The following SLIT2 variants were observed in gnomAD, a reference collection of about 807,000 sequenced individuals.
The protein encoded by SLIT2 is slit homolog 2 protein.
Under a neutral mutation model 185.7 loss-of-function variants are expected in SLIT2, and 41 were observed. The observed-to-expected ratio is 0.22, with a 90% CI of 0.17 to 0.29. The LOEUF (loss-of-function observed/expected upper bound fraction) is 0.29. Ranked by LOEUF, SLIT2 falls within the 10% of genes least tolerant of loss-of-function variation. The probability of loss-of-function intolerance (pLI) is 1.00; values close to 1 mark genes in which losing one functional copy is unlikely to be tolerated. For synonymous variants in SLIT2, 693 were observed against 680.2 expected, an observed-to-expected ratio of 1.02 and a Z score of -0.29; for missense variants, 1,571 against 1,909.0, an observed-to-expected ratio of 0.82 and a Z score of 3.30.
chr4:20,528,262 A>C lies in SLIT2; in HGVS notation c.1463-687A>C. On this transcript the variant is annotated intron_variant, in intron 15 of 36. Coordinates refer to ENST00000504154, the MANE Select transcript of SLIT2 (RefSeq NM_004787.4). This position sits in a 1 kb window ranked among gnomAD's most constrained non-coding sequence, Gnocchi z 4.2. The stretch of plus-strand genomic sequence containing the variant: ...TTCCTCTTGGTCTTACCTTTGGCCT[A>C]GTGGTTGGTGTAGTGATAATGTAGC... 1 of 534,508 alleles carries C rather than the reference A, an allele frequency of 1.9e-6. No homozygotes were observed. Among genetic ancestry groups the C allele is most frequent in the South Asian group, 1.4e-5 (1 of 71,544 alleles). The allele number at this position is 534,508 out of a possible 1,614,324, so 33.1% of individuals were successfully genotyped here.
In SLIT2 at chr4:20,268,706, C is replaced by G. The variant is rs1355952704; in HGVS notation, c.324-104C>G. ...GCTTGAATTCTCCTGAATGTCATTT[C>G]ATTCTTTTCTGAAATACAGGATGAG... is the stretch of plus-strand genomic sequence containing the variant. On this transcript the variant is annotated intron_variant, in intron 3 of 36. Coordinates refer to ENST00000504154, the MANE Select transcript of SLIT2 (RefSeq NM_004787.4). 3.2e-5 allele frequency: 26 copies of G among 803,292 alleles called. No individual in the cohort carries two copies. In the South Asian group the frequency reaches 3.4e-4, roughly 10 times the overall value. The allele number at this position is 803,292 out of a possible 1,614,324, so 49.8% of individuals were successfully genotyped here. A position where few individuals can be genotyped will look rare whatever the true frequency, so the allele number is the denominator to read the frequency against.
At chr4:20,613,764 G>T (rs891637920) in intron 34 of SLIT2, among the ~76,000 whole-genome samples, 2 of 152,208 alleles carry the variant, frequency 1.3e-5, no homozygotes, top group African/African-American at 4.8e-5. Flanking sequence ...GCCTGAAGGT[G>T]TTGCCTCAGC....
intron 14 of SLIT2, 62 bp from the exon 15 acceptor site, chr4:20,525,087 T>A: frequency 8.3e-7 from 1 of 1,207,968 alleles, no homozygotes; most frequent in Non-Finnish European, 1.2e-6. Context: ...CTAATATAAC[T>A]CATATCTCTG....
intron 4 of SLIT2, among the ~76,000 whole-genome samples, chr4:20,455,860 G>T (rs1379475257): frequency 2.0e-5 from 3 of 152,074 alleles, no homozygotes; most frequent in Admixed American, 6.6e-5. Flanking sequence ...CCATTTTCTT[G>T]TGAAGATTTG....
Position 20,480,688 on chromosome 4 carries a change from A to G in SLIT2, c.468-28A>G, listed in dbSNP as rs184047024. Reference sequence around the variant, plus strand: ...ACCCCAGCTACTGTCCATCCCTTCTACATATATTCTTCTAATCTTTTTAAC... The same window carrying G: ...ACCCCAGCTACTGTCCATCCCTTCTGCATATATTCTTCTAATCTTTTTAAC... On this transcript the variant is annotated intron_variant, in intron 5 of 36. Transcript: ENST00000504154. 6.4e-6 allele frequency: 10 copies of G among 1,566,910 alleles called. No individual in the cohort carries two copies. In the Admixed American group the frequency reaches 1.3e-4, roughly 21 times the overall value.
chr4:20,610,984 G>A (rs1159689778), intron 34 of SLIT2, among the ~76,000 whole-genome samples: 1 of 152,138 alleles, frequency 6.6e-6, no homozygotes, highest in East Asian at 1.9e-4. Flanking sequence ...CTATTTGGAG[G>A]AACAAATATA....
chr4:20,395,189 G>A lies in SLIT2; in HGVS notation c.396-72563G>A, dbSNP rs117829487. ...CTAAACGTTAAGCATTTGTGAGTGG[G>A]TGTTTTGCTATATGACAGAATTAGA... On this transcript the variant is annotated intron_variant, in intron 4 of 36. Coordinates refer to ENST00000504154, the MANE Select transcript of SLIT2 (RefSeq NM_004787.4). Among the ~76,000 whole-genome samples, 164 of 152,078 alleles carry A rather than the reference G, an allele frequency of 1.1e-3. 2 individuals are homozygous for A. In the East Asian group the frequency reaches 0.027, roughly 25 times the overall value.
intron 4 of SLIT2, among the ~76,000 whole-genome samples, chr4:20,318,673 A>G (rs1390839962): frequency 1.3e-5 from 2 of 152,094 alleles, no homozygotes; most frequent in African/African-American, 2.4e-5. Context: ...TACTTGGATA[A>G]TAGCTCACTT....
At chr4:20,417,057 T>C (rs1727742655) in intron 4 of SLIT2, among the ~76,000 whole-genome samples, 1 of 152,106 alleles carries the variant, frequency 6.6e-6, no homozygotes, top group Non-Finnish European at 1.5e-5. Context: ...AATGTGAGCT[T>C]TCCTCTTTAC....
intron 4 of SLIT2, among the ~76,000 whole-genome samples, chr4:20,375,404 ATTTTC>A (rs1723938134): frequency 6.6e-6 from 1 of 151,948 alleles, no homozygotes; most frequent in African/African-American, 2.4e-5. Context: ...AAAATCTATT[ATTTTC>A]TTTTTTCTGG....
intron 4 of SLIT2, among the ~76,000 whole-genome samples, chr4:20,437,225 A>G (rs927412557): frequency 6.6e-6 from 1 of 152,106 alleles, no homozygotes; most frequent in Admixed American, 6.5e-5. Context: ...CCATCTTAAC[A>G]TGTGCAAAAC....
intron 4 of SLIT2, among the ~76,000 whole-genome samples, chr4:20,293,504 C>T (rs919526375): frequency 2.6e-5 from 4 of 152,152 alleles, no homozygotes; most frequent in Non-Finnish European, 4.4e-5. Flanking sequence ...AGCTGGTTCC[C>T]TCAGCGTTTT....
chr4:20,576,193 C>A (rs992015322), intron 29 of SLIT2, among the ~76,000 whole-genome samples: 1 of 152,134 alleles, frequency 6.6e-6, no homozygotes, highest in Non-Finnish European at 1.5e-5. Flanking sequence ...TGATGCCATT[C>A]CTCATGGCAG....
intron 9 of SLIT2, 70 bp downstream of exon 9, chr4:20,491,969 A>C: frequency 1.3e-6 from 2 of 1,531,438 alleles, no homozygotes; most frequent in South Asian, 2.4e-5. Flanking sequence ...TCTTTGGGAA[A>C]TTCTGAGTTT....
chr4:20,499,135 T>G (rs1300731136), intron 9 of SLIT2, among the ~76,000 whole-genome samples: 1 of 152,204 alleles, frequency 6.6e-6, no homozygotes, highest in East Asian at 1.9e-4. Flanking sequence ...ATCTGATGAT[T>G]AGTAATGTTG....
chr4:20,332,702 G>A (rs1010500852), intron 4 of SLIT2, among the ~76,000 whole-genome samples: 1 of 151,874 alleles, frequency 6.6e-6, no homozygotes, highest in Non-Finnish European at 1.5e-5. Flanking sequence ...AAACAAACTT[G>A]CTGTTTTTAT....
chr4:20,416,102 A>G (rs1727660927), intron 4 of SLIT2, among the ~76,000 whole-genome samples: 1 of 152,228 alleles, frequency 6.6e-6, no homozygotes, highest in African/African-American at 2.4e-5. Flanking sequence ...TGATATTTGT[A>G]TATTGAAAAT....
intron 17 of SLIT2, 130 bp downstream of exon 17, chr4:20,532,188 A>G (rs1577870568): frequency 6.8e-6 from 4 of 588,546 alleles, no homozygotes; most frequent in East Asian, 3.1e-5. Context: ...GACCTGTAAC[A>G]TGAATTTAGG....
intron 5 of SLIT2, among the ~76,000 whole-genome samples, chr4:20,472,397 G>GATATCTATATCTAT (rs1266399454): frequency 4.5e-5 from 1 of 22,394 alleles, no homozygotes; most frequent in Non-Finnish European, 7.1e-5. Flanking sequence ...TAGATATATA[G>GATATCTATATCTAT]ATATAGATAT....
Sources: allele counts gnomAD v4.1 joint callset (sites outside exome capture counted in the v4.1 genomes callset), GRCh38; gene constraint gnomAD v4.1.1; non-coding constraint Gnocchi (gnomAD v3.1); transcripts MANE v1.5; gene names NCBI Gene and HGNC (gene_info 2026-07-23, HGNC 2026-07-21).